Variants in TMEM181 observed in about 807,000 individuals in gnomAD.
TMEM181 encodes G protein-coupled receptor 178.
Under a neutral mutation model 71.9 loss-of-function variants are expected in TMEM181, and 39 were observed. That is an observed-to-expected ratio of 0.54 (90% CI 0.42 to 0.71). The LOEUF (loss-of-function observed/expected upper bound fraction) is 0.71, where lower values mean the gene tolerates loss of function less well. Ranked by LOEUF, TMEM181 falls within the 30% of genes least tolerant of loss-of-function variation. The pLI is 0.00. For synonymous variants in TMEM181, 245 were observed against 228.8 expected (o/e 1.07, Z -0.64); for missense variants, 595 against 583.0 (o/e 1.02, Z -0.21).
chr6:158,607,365 T>G, intron 8 of TMEM181, 22 bp downstream of exon 8: 1 of 1,604,998 alleles, frequency 6.2e-7, no homozygotes, highest in South Asian at 1.1e-5. Flanking sequence ...CATTTTTACT[T>G]AGGAACTTTT....
intron 1 of TMEM181, among the ~76,000 whole-genome samples, chr6:158,550,162 G>A (rs1781671983): frequency 6.6e-6 from 1 of 151,780 alleles, no homozygotes; most frequent in African/African-American, 2.4e-5. Flanking sequence ...CCAGGAGTCA[G>A]TGTCAAAACC....
chr6:158,572,831 G>T (rs573127423), intron 1 of TMEM181, among the ~76,000 whole-genome samples: 2 of 152,332 alleles, frequency 1.3e-5, no homozygotes, highest in South Asian at 4.1e-4. Context: ...GGAACCTGAA[G>T]TTGTGGAGGA....
rs1786893093 is a variant in TMEM181, at chr6:158,635,233, C to G, written c.*3345C>G. The G allele has an allele frequency of 6.6e-6, 1 of 152,154 alleles. No individual in the cohort carries two copies. Among genetic ancestry groups the G allele is most frequent in the South Asian group, 2.1e-4 (1 of 4,832 alleles). 9.4% of individuals were successfully genotyped at this position (152,154 alleles called of 1,614,324 possible). Reference sequence around the variant, plus strand: ...TAAATATTTGTAAAATAAAATAACACTAAACTTTAAGCCCAAAAGGAGAGA... The same window carrying G: ...TAAATATTTGTAAAATAAAATAACAGTAAACTTTAAGCCCAAAAGGAGAGA... On this transcript the variant is annotated 3_prime_UTR_variant, in exon 17 of 17. Transcript: ENST00000684151.
chr6:158,607,439 A>T lies in TMEM181; in HGVS notation c.673+96A>T. 3.6e-6 allele frequency: 4 copies of T among 1,123,088 alleles called. No individual in the cohort carries two copies. The South Asian group carries it at 5.2e-5, about 15-fold the overall frequency. 69.6% of individuals were successfully genotyped at this position (1,123,088 alleles called of 1,614,324 possible). On this transcript the variant is annotated intron_variant, in intron 8 of 16. Coordinates refer to ENST00000684151, the MANE Select transcript of TMEM181 (RefSeq NM_001376852.1). The stretch of plus-strand genomic sequence containing the variant: ...GTGCCTGTCATCCCAGCACTTTGAG[A>T]GGCTGGGGCAGGAGGACTGCTTGAA...
At chr6:158,555,996 A>C (rs1781869759), upstream of TMEM181, among the ~76,000 whole-genome samples, 1 of 152,240 alleles carries the variant, frequency 6.6e-6, no homozygotes, top group African/African-American at 2.4e-5. Flanking sequence ...ATTAAATTAG[A>C]CATGCAGAAA....
At chr6:158,584,164 A>G (rs903989132) in intron 4 of TMEM181, 120 bp downstream of exon 4, 1 of 773,452 alleles carries the variant, frequency 1.3e-6, no homozygotes, top group East Asian at 2.9e-5. Flanking sequence ...AAGGATGTCC[A>G]TTATTATTTA....
At chr6:158,540,662 T>C (rs1168142680) in intron 1 of TMEM181, among the ~76,000 whole-genome samples, 2 of 152,172 alleles carry the variant, frequency 1.3e-5, no homozygotes, top group Non-Finnish European at 2.9e-5. Flanking sequence ...ATGCCTGTGA[T>C]CCCAGTTACT....
At chr6:158,575,233 A>G (rs1397041485) in intron 2 of TMEM181, among the ~76,000 whole-genome samples, 1 of 152,200 alleles carries the variant, frequency 6.6e-6, no homozygotes, top group Non-Finnish European at 1.5e-5. Flanking sequence ...TTTATGTGAT[A>G]AGGTTATTAC....
intron 1 of TMEM181, among the ~76,000 whole-genome samples, chr6:158,561,221 G>A (rs1017272241): frequency 2.0e-5 from 3 of 152,222 alleles, no homozygotes; most frequent in African/African-American, 7.2e-5. Context: ...TTGCCTCAGC[G>A]CAAGTGCCTG....
chr6:158,598,098 G>GT (rs537237360), intron 6 of TMEM181, among the ~76,000 whole-genome samples: 106 of 152,276 alleles, frequency 7.0e-4, no homozygotes, highest in Non-Finnish European at 1.4e-3. Flanking sequence ...TACCTCCTGT[G>GT]TTTTTTAAAA....
At position 158,619,507 on chromosome 6, in the gene TMEM181, A is replaced by G. The variant is rs139522094; in HGVS notation, c.897-4043A>G. Among the ~76,000 whole-genome samples the G allele has an allele frequency of 4.5e-3, 680 of 152,276 alleles. 5 individuals carry two copies. The highest frequency in any genetic ancestry group is 0.015 in the African/African-American group (618 of 41,550). On this transcript the variant is annotated intron_variant, in intron 10 of 16. Transcript: ENST00000684151. ...GAAGCCTACTTCTGTCAACTCGTCA[A>G]AGTCATTCAGAGGAAGGAGTTTTGG...
intron 1 of TMEM181, among the ~76,000 whole-genome samples, chr6:158,543,110 C>T (rs920222426): frequency 2.0e-5 from 3 of 151,948 alleles, no homozygotes; most frequent in African/African-American, 7.3e-5. Context: ...CTCCTGACCT[C>T]GTGGTCTGCT....
At chr6:158,623,493 AAAAT>A (rs1309849210) in intron 10 of TMEM181, 53 bp from the exon 11 acceptor site, 1 of 1,157,270 alleles carries the variant, frequency 8.6e-7, no homozygotes, top group Non-Finnish European at 1.2e-6. Flanking sequence ...GAAAAAATGT[AAAAT>A]AAAAAGTAAA....
chr6:158,620,254 G>C lies in TMEM181; in HGVS notation c.897-3296G>C, dbSNP rs1785880135. Among the ~76,000 whole-genome samples the C allele has an allele frequency of 6.6e-6, 1 of 152,124 alleles. No individual in the cohort carries two copies. Among genetic ancestry groups the C allele is most frequent in the Admixed American group, 6.5e-5 (1 of 15,278 alleles). ...TTTTATTAGGCATCCCCAGACAAGA[G>C]ACCTGGAATCTTCTTTCCAAAGAGG... is the stretch of plus-strand genomic sequence containing the variant. On this transcript the variant is annotated intron_variant, in intron 10 of 16. Transcript: ENST00000684151. This position sits in a 1 kb window ranked among gnomAD's most constrained non-coding sequence, Gnocchi z 4.5.
chr6:158,537,858 T>C (rs1010916116), intron 1 of TMEM181, among the ~76,000 whole-genome samples: 1 of 152,174 alleles, frequency 6.6e-6, no homozygotes, highest in East Asian at 1.9e-4. Flanking sequence ...AAAAGGCGTG[T>C]CACACTTATC....
At position 158,634,519 on chromosome 6, in the gene TMEM181, G is replaced by C. The variant is rs1490628971; in HGVS notation, c.*2631G>C. On this transcript the variant is annotated 3_prime_UTR_variant, in exon 17 of 17. Coordinates refer to ENST00000684151, the MANE Select transcript of TMEM181 (RefSeq NM_001376852.1). The stretch of plus-strand genomic sequence containing the variant: ...TACTGGTCCAGTCTAGGAGAACCTG[G>C]AAGATGACCAGAGGTATTTCAGTTT... 6.6e-6 allele frequency: 1 copy of C among 152,162 alleles called. No homozygotes were observed. Among genetic ancestry groups the C allele is most frequent in the African/African-American group, 2.4e-5 (1 of 41,426 alleles). The allele number at this position is 152,162 out of a possible 1,614,324, so 9.4% of individuals were successfully genotyped here.
chr6:158,582,607 G>C (rs1158022644), intron 3 of TMEM181, among the ~76,000 whole-genome samples: 6 of 151,962 alleles, frequency 3.9e-5, no homozygotes, highest in South Asian at 2.1e-4. Flanking sequence ...TGATGCTGCG[G>C]TAAGCCATGA....
rs765709961 is a variant in TMEM181 at position 158,608,709 on chromosome 6, A to T, written c.855A>T (p.Gly285=). Reference sequence around the variant, plus strand: ...ATTTGCCTAAATTCTTCATTGTTGGACTATTGTGGTTGGCTTCTGTTACGC... The same window carrying T: ...ATTTGCCTAAATTCTTCATTGTTGGTCTATTGTGGTTGGCTTCTGTTACGC... The part of the protein sequence containing the change: ...TFYLPKFFIV[G]LLWLASVTLG... Residue 285 remains glycine, a synonymous_variant, in exon 10 of 17, where the codon GGA becomes GGT. Coordinates refer to ENST00000684151, the MANE Select transcript of TMEM181 (RefSeq NM_001376852.1). 1.2e-6 allele frequency: 2 copies of T among 1,613,404 alleles called. No homozygotes were observed. The highest frequency in any genetic ancestry group is 2.2e-5 in the South Asian group (2 of 90,766).
intron 15 of TMEM181, among the ~76,000 whole-genome samples, chr6:158,630,388 C>T (rs1207018458): frequency 1.3e-5 from 2 of 151,944 alleles, no homozygotes; most frequent in South Asian, 2.1e-4. Flanking sequence ...CCTAGCTACT[C>T]GGTTGGCTGA....
Sources: gnomAD v4.1 joint callset for allele counts (sites outside exome capture counted in the v4.1 genomes callset) on GRCh38, gnomAD v4.1.1 for gene constraint, Gnocchi (gnomAD v3.1) non-coding constraint, MANE v1.5 for transcripts, NCBI Gene and HGNC (gene_info 2026-07-23, HGNC 2026-07-21) for gene names.